ZNF331: variants seen among roughly 807,000 people sequenced by gnomAD.
ZNF331 encodes the protein zinc finger protein 331, also known as C2H2-like zinc finger protein rearranged in thyroid adenomas.
A neutral mutation model predicts 7.0 loss-of-function variants in ZNF331; 2 were observed. The ratio of observed to expected loss-of-function variants is 0.29; its 90% confidence interval spans 0.12 to 0.90. The LOEUF is 0.90. Ranked by LOEUF, ZNF331 falls within the 40% of genes least tolerant of loss-of-function variation. The pLI, the probability that ZNF331 is intolerant of heterozygous loss-of-function variation, is 0.58. For synonymous variants in ZNF331, 196 were observed against 205.4 expected (o/e 0.95, Z 0.39); for missense variants, 432 against 587.7 (o/e 0.74, Z 2.74).
chr19:53,570,816 G>A (rs1427383077), intron 4 of ZNF331, among the ~76,000 whole-genome samples: 1 of 150,844 alleles, frequency 6.6e-6, no homozygotes, highest in East Asian at 2.0e-4. Flanking sequence ...ACAGGCATGA[G>A]CCACCACACC....
intron 2 of ZNF331, among the ~76,000 whole-genome samples, chr19:53,540,696 C>G (rs1600268815): frequency 1.9e-5 from 1 of 52,152 alleles, no homozygotes; most frequent in African/African-American, 1.2e-4. Flanking sequence ...CTCAGCCTCC[C>G]AAAGTGCGGG....
At chr19:53,548,609 C>T (rs2088782274) in intron 2 of ZNF331, among the ~76,000 whole-genome samples, 1 of 152,148 alleles carries the variant, frequency 6.6e-6, no homozygotes, top group African/African-American at 2.4e-5. Flanking sequence ...TAGTCTCTCC[C>T]AATCCATAGG....
upstream of ZNF331, among the ~76,000 whole-genome samples, chr19:53,536,631 G>A (rs2087759765): frequency 1.3e-5 from 2 of 152,116 alleles, no homozygotes; most frequent in African/African-American, 4.8e-5. Context: ...TGGGTGTGGT[G>A]GCTCACGCCT....
At chr19:53,532,564 C>G (rs575238274) in intron 2 of ZNF331, among the ~76,000 whole-genome samples, 1 of 152,268 alleles carries the variant, frequency 6.6e-6, no homozygotes, top group African/African-American at 2.4e-5. Context: ...GGGAGCATTC[C>G]TTCCTCTACA....
At position 53,558,525 on chromosome 19, in the gene ZNF331, A is replaced by T. The variant is rs2089577477; in HGVS notation, c.-74+2617A>T. ...AACGTGATTGGACAAATAAGAGTTGATTTAATGCTAATTGATTGAGTGGGG... is the reference window on the plus strand; with the variant it reads ...AACGTGATTGGACAAATAAGAGTTGTTTTAATGCTAATTGATTGAGTGGGG... On this transcript the variant is annotated intron_variant, in intron 3 of 5. Transcript: ENST00000449416. This position sits in a 1 kb window ranked among gnomAD's most constrained non-coding sequence, Gnocchi z 4.5. 6.6e-6 allele frequency among the ~76,000 whole-genome samples: 1 copy of T among 152,066 alleles called. No individual in the cohort carries two copies. The highest frequency in any genetic ancestry group is 2.1e-4 in the South Asian group (1 of 4,832).
chr19:53,562,687 T>C (rs2089951268), intron 3 of ZNF331, among the ~76,000 whole-genome samples: 3 of 144,856 alleles, frequency 2.1e-5, no homozygotes, highest in South Asian at 2.2e-4. Flanking sequence ...CAAAATCCCA[T>C]CTCAAAAAGA....
At chr19:53,537,025 C>G (rs975212269), upstream of ZNF331, among the ~76,000 whole-genome samples, 1 of 152,116 alleles carries the variant, frequency 6.6e-6, no homozygotes. Flanking sequence ...GCTGAGGTAA[C>G]CAGGTGAAAG....
At chr19:53,508,016 C>T in the ZNF331 span, among the ~76,000 whole-genome samples, 87 of 152,286 alleles carry the variant, frequency 5.7e-4, no homozygotes, top group African/African-American at 2.0e-3. Context: ...TAGAGACTGT[C>T]TGAGGAAGCA....
intron 2 of ZNF331, among the ~76,000 whole-genome samples, chr19:53,546,219 A>G (rs2088606224): frequency 6.6e-6 from 1 of 150,926 alleles, no homozygotes; most frequent in Non-Finnish European, 1.5e-5. Context: ...TCTAATGTCA[A>G]TTGCTTTTGC....
rs2089810367 is a variant in ZNF331 at position 53,560,390 on chromosome 19, C to T, written c.-74+4482C>T. Among the ~76,000 whole-genome samples, 1 of 152,024 alleles carries T rather than the reference C, an allele frequency of 6.6e-6. No homozygotes were observed. Among genetic ancestry groups the T allele is most frequent in the South Asian group, 2.1e-4 (1 of 4,818 alleles). On this transcript the variant is annotated intron_variant, in intron 3 of 5. Transcript: ENST00000449416. This position sits in a 1 kb window ranked among gnomAD's most constrained non-coding sequence, Gnocchi z 4.3. Reference sequence around the variant, plus strand: ...ACACCCACAGATAGACACACATATACACAAACATACACACAATTATATCAC... The same window carrying T: ...ACACCCACAGATAGACACACATATATACAAACATACACACAATTATATCAC...
chr19:53,506,468 C>G, the ZNF331 span, among the ~76,000 whole-genome samples: 8 of 144,388 alleles, frequency 5.5e-5, no homozygotes, highest in African/African-American at 1.3e-4. Context: ...CTCTCTCTCT[C>G]TCTCTCTCTC....
Position 53,560,290 on chromosome 19 carries a change from C to CAT in ZNF331, c.-74+4392_-74+4393dup, listed in dbSNP as rs150393035. Among the ~76,000 whole-genome samples the CAT allele has an allele frequency of 5.7e-4, 87 of 151,322 alleles. No individual in the cohort carries two copies. In the Middle Eastern group the frequency reaches 0.018, roughly 31 times the overall value. The stretch of plus-strand genomic sequence containing the variant: ...TATATACACACACCATATATATGCA[C>CAT]ATATATATATACACCCACACCATAT... On this transcript the variant is annotated intron_variant, in intron 3 of 5. Transcript: ENST00000449416. This position sits in a 1 kb window ranked among gnomAD's most constrained non-coding sequence, Gnocchi z 4.3.
upstream of ZNF331, among the ~76,000 whole-genome samples, chr19:53,519,949 T>A (rs189768671): frequency 1.2e-4 from 18 of 152,344 alleles, no homozygotes; most frequent in Non-Finnish European, 1.9e-4. Flanking sequence ...AAGAACGCTC[T>A]GGAGGCACAG....
chr19:53,551,956 A>G (rs1223983176), intron 2 of ZNF331, among the ~76,000 whole-genome samples: 4 of 152,184 alleles, frequency 2.6e-5, no homozygotes, highest in South Asian at 2.1e-4. Context: ...TAAATTTTCT[A>G]TGATTTTAAT....
chr19:53,508,102 A>G, the ZNF331 span, among the ~76,000 whole-genome samples: 1 of 152,166 alleles, frequency 6.6e-6, no homozygotes, highest in East Asian at 1.9e-4. Flanking sequence ...TTAGGAGTCC[A>G]TGGTAAAGGA....
chr19:53,556,187 G>A (rs1278553084), intron 3 of ZNF331, among the ~76,000 whole-genome samples: 6 of 146,776 alleles, frequency 4.1e-5, no homozygotes, highest in African/African-American at 1.3e-4. Context: ...AGCTTGCAGT[G>A]AGCCGAGATC....
At chr19:53,545,637 TCA>T (rs2147367499) in intron 2 of ZNF331, among the ~76,000 whole-genome samples, 2 of 152,328 alleles carry the variant, frequency 1.3e-5, no homozygotes, top group South Asian at 4.1e-4. Context: ...AGTCACTGAC[TCA>T]CAGTCTGCCA....
chr19:53,559,837 T>TACAC (rs2089738584), intron 3 of ZNF331, among the ~76,000 whole-genome samples: 1 of 151,070 alleles, frequency 6.6e-6, no homozygotes, highest in African/African-American at 2.4e-5. Flanking sequence ...TATATACATA[T>TACAC]ATACATATAC....
At chr19:53,530,281 G>A (rs7252202) in intron 2 of ZNF331, among the ~76,000 whole-genome samples, 3 of 70,658 alleles carry the variant, frequency 4.2e-5, no homozygotes, top group African/African-American at 2.5e-4. Context: ...CCACCAGGCC[G>A]CACCTCCAGC....
Sources: gnomAD v4.1 joint callset for allele counts (sites outside exome capture counted in the v4.1 genomes callset) on GRCh38, gnomAD v4.1.1 for gene constraint, Gnocchi (gnomAD v3.1) non-coding constraint, MANE v1.5 for transcripts, NCBI Gene and HGNC (gene_info 2026-07-23, HGNC 2026-07-21) for gene names.